TTN: variants seen among roughly 807,000 people sequenced by gnomAD.
The protein encoded by TTN is titin, also known as connectin.
TTN carries 1,525 observed loss-of-function variants against 3,223.0 expected under a neutral mutation model. That is an observed-to-expected ratio of 0.47 (90% CI 0.45 to 0.49). The LOEUF is 0.49. TTN is among the 20% of genes least tolerant of loss of function. The pLI, the probability that TTN is intolerant of heterozygous loss-of-function variation, is 0.00. For missense variants in TTN, 40,786 were observed against 43,424.0 expected (o/e 0.94, Z 5.40); for synonymous variants, 14,094 against 15,161.0 (o/e 0.93, Z 5.17).
Position 178,695,417 on chromosome 2 carries a change from T to C in TTN, c.31208-7A>G. The C allele has an allele frequency of 6.2e-7, 1 of 1,611,394 alleles. No individual in the cohort carries two copies. The highest frequency in any genetic ancestry group is 8.5e-7 in the Non-Finnish European group (1 of 1,178,012). On this transcript the variant is annotated splice_polypyrimidine_tract_variant and splice_region_variant and intron_variant, in intron 114 of 362. Coordinates refer to ENST00000589042, the MANE Select transcript of TTN (RefSeq NM_001267550.2). ...ACTTTTCTCTCATGTGATTCTGAAA[T>C]AAAAACACAGGAATAAGAAGGGATG...
chr2:178,721,216 CA>C lies in TTN; in HGVS notation c.22817-15del, dbSNP rs757976521. ...ACTTTGGAGGTTCTAGTAAACCAAA[CA>C]AAACAGTCAGTAAGGGATATTTATT... On this transcript the variant is annotated splice_polypyrimidine_tract_variant and intron_variant, in intron 78 of 362. Transcript: ENST00000589042. The C allele has an allele frequency of 6.4e-7, 1 of 1,565,474 alleles. No homozygotes were observed. Among genetic ancestry groups the C allele is most frequent in the Non-Finnish European group, 8.7e-7 (1 of 1,153,996 alleles).
Position 178,614,351 on chromosome 2 carries a change from G to A in TTN, c.49049-3C>T, listed in dbSNP as rs767250252. On this transcript the variant is annotated splice_polypyrimidine_tract_variant and splice_region_variant and intron_variant, in intron 261 of 362. Coordinates refer to ENST00000589042, the MANE Select transcript of TTN (RefSeq NM_001267550.2). ...GGCAGCTGGTGGTCCGGGTTTATCT[G>A]TGTATGGCATTACAGATGCAGAAAA... 7 of 1,603,410 alleles carry A rather than the reference G, an allele frequency of 4.4e-6. No homozygotes were observed. The East Asian group carries it at 1.3e-4, about 31-fold the overall frequency.
At chr2:178,665,276 G>C (rs1455009451) in intron 165 of TTN, 101 bp downstream of exon 165, 37 of 1,153,298 alleles carry the variant, frequency 3.2e-5, no homozygotes, top group Non-Finnish European at 3.7e-5. Flanking sequence ...ATATTAGTAT[G>C]TTTATATTTA....
At chr2:178,596,831 G>A (rs746498333) in intron 294 of TTN, among the ~76,000 whole-genome samples, 10 of 152,032 alleles carry the variant, frequency 6.6e-5, no homozygotes, top group Non-Finnish European at 1.3e-4. Context: ...GAAAGGCTTC[G>A]TGTTCTGAGC....
chr2:178,553,544 G>C lies in TTN; in HGVS notation c.89461C>G (p.Pro29821Ala), dbSNP rs1469989307. The change falls in exon 334 of 363, where the codon CCT becomes GCT. Residue 29821 changes from proline (P) to alanine (A), a missense_variant. Coordinates refer to ENST00000589042, the MANE Select transcript of TTN (RefSeq NM_001267550.2). ...SAVNCAGQGE[P>A]IEMNEPVQAK... ...TGTACAGGTTCATTCATTTCTATAG[G>C]TTCTCCTTGTCCAGCACAGTTTACA... is the stretch of plus-strand genomic sequence containing the variant. 1 of 1,613,596 alleles carries C rather than the reference G, an allele frequency of 6.2e-7. No homozygotes were observed.
At position 178,599,062 on chromosome 2, in the gene TTN, G is replaced by A. The variant is rs2052572387; in HGVS notation, c.56648C>T (p.Ser18883Phe). Reference protein sequence around the residue: ...SEPETARNLFSVPGAPDKPTV... With the variant: ...SEPETARNLFFVPGAPDKPTV... ...TGGTTTATCTGGTGCTCCAGGGACA[G>A]CTGTGAAAAAGATCATATTGATTAT... The change falls in exon 291 of 363, where the codon TCT becomes TTT. Residue 18883 changes from serine to phenylalanine, a missense_variant and splice_region_variant. Coordinates refer to ENST00000589042, the MANE Select transcript of TTN (RefSeq NM_001267550.2). The A allele has an allele frequency of 6.5e-7, 1 of 1,538,246 alleles. No individual in the cohort carries two copies. Among genetic ancestry groups the A allele is most frequent in the South Asian group, 1.3e-5 (1 of 77,868 alleles).
At chr2:178,733,991 C>A in intron 52 of TTN, 99 bp from the exon 53 acceptor site, 1 of 1,132,020 alleles carries the variant, frequency 8.8e-7, no homozygotes, top group South Asian at 2.0e-5. Context: ...TTATCTTGTC[C>A]CAATACTACT....
Position 178,782,418 on chromosome 2 carries a change from C to G in TTN, c.3174G>C (p.Glu1058Asp). 1 of 1,614,082 alleles carries G rather than the reference C, an allele frequency of 6.2e-7. No homozygotes were observed. The highest frequency in any genetic ancestry group is 8.5e-7 in the Non-Finnish European group (1 of 1,179,982). The stretch of plus-strand genomic sequence containing the variant: ...TATCAGTCATAACCACATCTCTTGA[C>G]TCAACAAAGCTGGAAAGAGAATTCC... ...KFTTEEKRFVESRDVVMTDTS... is the reference protein window; with the variant it reads ...KFTTEEKRFVDSRDVVMTDTS... The change falls in exon 20 of 363, where the codon GAG (glutamate) becomes GAC (aspartate). Residue 1058 changes from glutamate to aspartate, a missense_variant. Coordinates refer to ENST00000589042, the MANE Select transcript of TTN (RefSeq NM_001267550.2).
rs1306703274 is a variant in TTN at position 178,738,352 on chromosome 2, C to G, written c.14101G>C (p.Val4701Leu). The G allele has an allele frequency of 1.2e-6, 2 of 1,611,206 alleles. No individual in the cohort carries two copies. Among genetic ancestry groups the G allele is most frequent in the African/African-American group, 1.3e-5 (1 of 74,852 alleles). Residue 4701 changes from valine to leucine, a missense_variant, in exon 49 of 363, where the codon GTG (valine) becomes CTG (leucine). Val to Leu is a conservative substitution (Grantham distance 32). Transcript: ENST00000589042. ...AGGGGTTCGATTTTCCTCTTGATCA[C>G]TGGGGCAGCTGCAAAGGGAAGTAGA... ...KLTVVKRAAP[V>L]IKRKIEPLEV...
rs1705633392 is a variant in TTN, at chr2:178,565,855, A to G, written c.80277T>C (p.Ala26759=). 6.2e-7 allele frequency: 1 copy of G among 1,613,656 alleles called. No homozygotes were observed. Among genetic ancestry groups the G allele is most frequent in the Non-Finnish European group, 8.5e-7 (1 of 1,179,652 alleles). The part of the protein sequence containing the change: ...EGAIYYFRVM[A]ENEFGVGVPV... ...GAACACCAACTCCAAATTCATTTTCAGCCATGACTCTGAAGTAATAAATGG... is the reference window on the plus strand; with the variant it reads ...GAACACCAACTCCAAATTCATTTTCGGCCATGACTCTGAAGTAATAAATGG... Residue 26759 remains alanine (A), a synonymous_variant, in exon 326 of 363, where the codon GCT becomes GCC. Transcript: ENST00000589042.
Position 178,607,469 on chromosome 2 carries a change from C to T in TTN, c.53219G>A (p.Gly17740Asp), listed in dbSNP as rs1219250375. The change falls in exon 277 of 363, where the codon GGC becomes GAC. Residue 17740 changes from glycine to aspartate, a missense_variant. Physicochemically the swap from Gly to Asp is moderately conservative, Grantham distance 94. Coordinates refer to ENST00000589042, the MANE Select transcript of TTN (RefSeq NM_001267550.2). ...IIKDALRKDH[G>D]RYVITATNSC... ...ATTTGTAGCTGTAATCACATATCTG[C>T]CATGGTCTTTTCGCAGTGCATCCTT... 1.9e-6 allele frequency: 3 copies of T among 1,613,088 alleles called. No homozygotes were observed. The Admixed American group carries it at 5.0e-5, about 27-fold the overall frequency.
intron 242 of TTN, among the ~76,000 whole-genome samples, chr2:178,623,742 A>G (rs1438438379): frequency 2.0e-5 from 3 of 151,964 alleles, no homozygotes; most frequent in Admixed American, 2.0e-4. Context: ...ACAAACAAAT[A>G]TTGCACAAAA....
Position 178,582,113 on chromosome 2 carries a change from G to C in TTN, c.66256C>G (p.Pro22086Ala). 6.2e-7 allele frequency: 1 copy of C among 1,612,866 alleles called. No homozygotes were observed. Among genetic ancestry groups the C allele is most frequent in the Non-Finnish European group, 8.5e-7 (1 of 1,179,528 alleles). Residue 22086 changes from proline (P) to alanine (A), a missense_variant, in exon 315 of 363, where the codon CCC (proline) becomes GCC (alanine). Transcript: ENST00000589042. ...WKPPADDGGS[P>A]ITGYLLEKRE... The stretch of plus-strand genomic sequence containing the variant: ...TTTTCAAGCAAATAGCCAGTGATGG[G>C]TGAGCCCCCATCATCTGCTGGTGGC...
In TTN at chr2:178,713,941, T is replaced by C; in HGVS notation, c.26717A>G (p.Asn8906Ser). ...TGTGCAGCTGTCTTTGCCAACAGGGTTCTGCACCTCAAAACTGTATACCCC... is the reference window on the plus strand; with the variant it reads ...TGTGCAGCTGTCTTTGCCAACAGGGCTCTGCACCTCAAAACTGTATACCCC... ...DSGVYSFEVQ[N>S]PVGKDSCTAS... Residue 8906 changes from asparagine (N) to serine (S), a missense_variant, in exon 92 of 363, where the codon AAC (asparagine) becomes AGC (serine). Physicochemically the swap from Asn to Ser is conservative, Grantham distance 46. Transcript: ENST00000589042. 1 of 1,613,676 alleles carries C rather than the reference T, an allele frequency of 6.2e-7. No homozygotes were observed.
rs2077306378 is a variant in TTN at position 178,715,261 on chromosome 2, G to A, written c.25925C>T (p.Pro8642Leu). ...SSSTSLKVKEPPIFRKKPHPI... is the reference protein window; with the variant it reads ...SSSTSLKVKELPIFRKKPHPI... ...ATGAGGCTTTTTGCGGAAAATGGGTGGTTCTAAAATTGGAAAAAAGGAAAA... is the reference window on the plus strand; with the variant it reads ...ATGAGGCTTTTTGCGGAAAATGGGTAGTTCTAAAATTGGAAAAAAGGAAAA... The change falls in exon 90 of 363, where the codon CCA becomes CTA. Residue 8642 changes from proline to leucine, a missense_variant. By Grantham distance (98) the Pro-to-Leu change is moderately conservative. Transcript: ENST00000589042. The A allele has an allele frequency of 1.3e-6, 2 of 1,597,024 alleles. No homozygotes were observed. The highest frequency in any genetic ancestry group is 1.7e-6 in the Non-Finnish European group (2 of 1,172,944).
rs1256056605 is a variant in TTN at position 178,724,335 on chromosome 2, C to T, written c.21040G>A (p.Asp7014Asn). The change falls in exon 72 of 363, where the codon GAT (aspartate) becomes AAT (asparagine). Residue 7014 changes from aspartate (D) to asparagine (N), a missense_variant. Transcript: ENST00000589042. The stretch of plus-strand genomic sequence containing the variant: ...ACCTGGAAAGTGTATGTGCCTGCAT[C>T]TTGCCTTTCAACTGAGAGAATCCTT... ...SLRILSVERQDAGTYTFQVQN... is the reference protein window; with the variant it reads ...SLRILSVERQNAGTYTFQVQN... The T allele has an allele frequency of 1.2e-6, 2 of 1,613,608 alleles. No individual in the cohort carries two copies. Among genetic ancestry groups the T allele is most frequent in the Middle Eastern group, 1.7e-4 (1 of 6,054 alleles).
Position 178,557,387 on chromosome 2 carries a change from A to G in TTN, c.87875T>C (p.Ile29292Thr). 1 of 1,613,958 alleles carries G rather than the reference A, an allele frequency of 6.2e-7. No homozygotes were observed. Among genetic ancestry groups the G allele is most frequent in the Non-Finnish European group, 8.5e-7 (1 of 1,179,860 alleles). Residue 29292 changes from isoleucine (I) to threonine (T), a missense_variant, in exon 329 of 363, where the codon ATC (isoleucine) becomes ACC (threonine). Transcript: ENST00000589042. ...TGTGACTTTGAAGTGAGTTGTGCGGATGACCAGTTTGTTGGCTTTTTGCCA... is the reference window on the plus strand; with the variant it reads ...TGTGACTTTGAAGTGAGTTGTGCGGGTGACCAGTTTGTTGGCTTTTTGCCA... Reference protein sequence around the residue: ...ILWQKANKLVIRTTHFKVTTI... With the variant: ...ILWQKANKLVTRTTHFKVTTI...
Position 178,537,728 on chromosome 2 carries a change from ACTGTAAGAGTGT to A in TTN, c.99467_99478del (p.His33156_Val33160delinsLeu). 6.2e-7 allele frequency: 1 copy of A among 1,613,758 alleles called. No homozygotes were observed. The highest frequency in any genetic ancestry group is 8.5e-7 in the Non-Finnish European group (1 of 1,179,768). ...TTCATCTTCCTGTTCCTCTGTCATTACTGTAAGAGTGTGTGTGCGTCCATCTGAAGACATTTT... is the reference window on the plus strand; with the variant it reads ...TTCATCTTCCTGTTCCTCTGTCATTAGTGTGCGTCCATCTGAAGACATTTT... On this transcript the variant is annotated inframe_deletion, in exon 355 of 363. Transcript: ENST00000589042.
At chr2:178,539,317 T>C in intron 352 of TTN, 65 bp downstream of exon 352, 1 of 1,594,118 alleles carries the variant, frequency 6.3e-7, no homozygotes, top group East Asian at 2.2e-5. Flanking sequence ...AGCCAATGAC[T>C]TTCATTTAAA....
Sources: gnomAD v4.1 joint callset for allele counts (sites outside exome capture counted in the v4.1 genomes callset) on GRCh38, gnomAD v4.1.1 for gene constraint, MANE v1.5 for transcripts, NCBI Gene and HGNC (gene_info 2026-07-23, HGNC 2026-07-21) for gene names.